ZBED4: variants seen among roughly 807,000 people sequenced by gnomAD.
The protein encoded by ZBED4 is zinc finger BED-type containing 4.
Under a neutral mutation model 15.5 loss-of-function variants are expected in ZBED4, and 4 were observed. That is an observed-to-expected ratio of 0.26 (90% CI 0.13 to 0.59). The LOEUF (loss-of-function observed/expected upper bound fraction) is 0.59, where lower values mean the gene tolerates loss of function less well. ZBED4 is among the 20% of genes least tolerant of loss of function. ZBED4 has a pLI of 0.90. For synonymous variants in ZBED4, 692 were observed against 608.5 expected (o/e 1.14, Z -2.02); for missense variants, 1,323 against 1,461.8 (o/e 0.91, Z 1.55).
Position 49,888,925 on chromosome 22 carries a change from C to T in ZBED4, c.*1747C>T, listed in dbSNP as rs549271177. 1.4e-4 allele frequency: 24 copies of T among 167,396 alleles called. No homozygotes were observed. In the South Asian group the frequency reaches 1.5e-3, roughly 10 times the overall value. The allele number at this position is 167,396 out of a possible 1,614,324, so 10.4% of individuals were successfully genotyped here. A position where few individuals can be genotyped will look rare whatever the true frequency, so the allele number is the denominator to read the frequency against. ...GGTTGCGCACAGGATAGGAGGGAGCCACAGTTCTTGCTTAGCTGTGCTCAC... is the reference window on the plus strand; with the variant it reads ...GGTTGCGCACAGGATAGGAGGGAGCTACAGTTCTTGCTTAGCTGTGCTCAC... On this transcript the variant is annotated 3_prime_UTR_variant, in exon 2 of 2. Transcript: ENST00000216268.
rs116057141 is a variant in ZBED4, at chr22:49,854,813, G to A, written c.-330+824G>A. Among the ~76,000 whole-genome samples, 1,044 of 152,316 alleles carry A rather than the reference G, an allele frequency of 6.9e-3. 10 individuals carry two copies. Among genetic ancestry groups the A allele is most frequent in the African/African-American group, 0.023 (958 of 41,564 alleles). Reference sequence around the variant, plus strand: ...TGTTCTCGTGTTGGTCGAAAGGGAAGTTATTTATTTTGAAGTTAACTCTGA... The same window carrying A: ...TGTTCTCGTGTTGGTCGAAAGGGAAATTATTTATTTTGAAGTTAACTCTGA... On this transcript the variant is annotated intron_variant, in intron 1 of 1. Transcript: ENST00000216268.
At position 49,886,530 on chromosome 22, in the gene ZBED4, G is replaced by A. The variant is rs1430027005; in HGVS notation, c.2868G>A (p.Gln956=). 1 of 1,568,602 alleles carries A rather than the reference G, an allele frequency of 6.4e-7. No individual in the cohort carries two copies. Residue 956 remains glutamine, a synonymous_variant, in exon 2 of 2, where the codon CAG becomes CAA. Transcript: ENST00000216268. This position sits in a 1 kb window ranked among gnomAD's most constrained non-coding sequence, Gnocchi z 7.7. The stretch of plus-strand genomic sequence containing the variant: ...GCACGCAGATGTCCACCCTCAGCCA[G>A]GTCATCCCCATGGTACACATCCTCA... ...EMSTQMSTLS[Q]VIPMVHILNR...
At chr22:49,869,465 C>A (rs1389557555) in intron 1 of ZBED4, among the ~76,000 whole-genome samples, 1 of 152,182 alleles carries the variant, frequency 6.6e-6, no homozygotes, top group Non-Finnish European at 1.5e-5. Flanking sequence ...CTTAGAGACA[C>A]GTTCTGTGTT....
At position 49,887,097 on chromosome 22, in the gene ZBED4, C is replaced by T. The variant is rs1280642576; in HGVS notation, c.3435C>T (p.Gly1145=). The change falls in exon 2 of 2, where the codon GGC becomes GGT. Residue 1145 remains glycine (G), a synonymous_variant. Transcript: ENST00000216268. The part of the protein sequence containing the change: ...FNTPTENGSL[G]QSRLMMEHFE... Reference sequence around the variant, plus strand: ...CACCCACTGAGAACGGTAGCCTTGGCCAATCCAGGCTCATGATGGAACATT... The same window carrying T: ...CACCCACTGAGAACGGTAGCCTTGGTCAATCCAGGCTCATGATGGAACATT... 6.2e-7 allele frequency: 1 copy of T among 1,614,134 alleles called. No individual in the cohort carries two copies. The highest frequency in any genetic ancestry group is 2.2e-5 in the East Asian group (1 of 44,882).
chr22:49,886,560 G>A lies in ZBED4; in HGVS notation c.2898G>A (p.Arg966=), dbSNP rs1380066229. ...TCCCCATGGTACACATCCTCAACAGGAAGGTGGAGATGCTCTTCGAGGAGA... is the reference window on the plus strand; with the variant it reads ...TCCCCATGGTACACATCCTCAACAGAAAGGTGGAGATGCTCTTCGAGGAGA... The part of the protein sequence containing the change: ...QVIPMVHILN[R]KVEMLFEETM... The change falls in exon 2 of 2, where the codon AGG becomes AGA. Residue 966 remains arginine, a synonymous_variant. Transcript: ENST00000216268. This position sits in a 1 kb window ranked among gnomAD's most constrained non-coding sequence, Gnocchi z 7.7. 1.9e-6 allele frequency: 3 copies of A among 1,558,466 alleles called. No individual in the cohort carries two copies. Among genetic ancestry groups the A allele is most frequent in the Middle Eastern group, 1.7e-4 (1 of 5,810 alleles).
At chr22:49,871,757 A>ATTTTTTT in intron 1 of ZBED4, among the ~76,000 whole-genome samples, 1 of 62,174 alleles carries the variant, frequency 1.6e-5, no homozygotes, top group South Asian at 5.1e-4. Context: ...TTATTTATTT[A>ATTTTTTT]TTTTTTTTTT....
chr22:49,884,643 C>T lies in ZBED4; in HGVS notation c.981C>T (p.Leu327=), dbSNP rs1429267602. The T allele has an allele frequency of 1.2e-6, 2 of 1,612,532 alleles. No individual in the cohort carries two copies. Among genetic ancestry groups the T allele is most frequent in the African/African-American group, 1.3e-5 (1 of 74,956 alleles). Residue 327 remains leucine (L), a synonymous_variant, in exon 2 of 2, where the codon CTC becomes CTT. Coordinates refer to ENST00000216268, the MANE Select transcript of ZBED4 (RefSeq NM_014838.3). ...KNGKDLGTSC[L]IRHMWRAHRA... Reference sequence around the variant, plus strand: ...GGAAGGACCTGGGCACGAGCTGCCTCATCAGGCACATGTGGAGGGCACACC... The same window carrying T: ...GGAAGGACCTGGGCACGAGCTGCCTTATCAGGCACATGTGGAGGGCACACC...
chr22:49,858,791 C>G (rs2060285427), intron 1 of ZBED4, among the ~76,000 whole-genome samples: 1 of 152,190 alleles, frequency 6.6e-6, no homozygotes, highest in African/African-American at 2.4e-5. Flanking sequence ...AACGTCTTTA[C>G]TAGCTGTTTT....
chr22:49,886,968 C>T lies in ZBED4; in HGVS notation c.3306C>T (p.Thr1102=). Residue 1102 remains threonine, a synonymous_variant, in exon 2 of 2, where the codon ACC becomes ACT. Coordinates refer to ENST00000216268, the MANE Select transcript of ZBED4 (RefSeq NM_014838.3). The surrounding 1 kb of genome is among the most constrained non-coding windows in gnomAD (Gnocchi z 7.7). ...TTGAACACAGCTGTGACCCGCTCAC[C>T]TACTGGAACCTGAAGAAGGCGTCCT... ...EVLEHSCDPL[T]YWNLKKASWP... The T allele has an allele frequency of 6.2e-7, 1 of 1,614,104 alleles. No homozygotes were observed. Among genetic ancestry groups the T allele is most frequent in the South Asian group, 1.1e-5 (1 of 91,068 alleles).
At chr22:49,866,759 G>C (rs1229190608) in intron 1 of ZBED4, among the ~76,000 whole-genome samples, 1 of 152,076 alleles carries the variant, frequency 6.6e-6, no homozygotes, top group Non-Finnish European at 1.5e-5. Flanking sequence ...TATTATATTA[G>C]TTTTCTAGTG....
chr22:49,885,729 A>C lies in ZBED4; in HGVS notation c.2067A>C (p.Lys689Asn), dbSNP rs1601804997. The change falls in exon 2 of 2, where the codon AAA becomes AAC. Residue 689 changes from lysine to asparagine, a missense_variant. Lys to Asn is a moderately conservative substitution (Grantham distance 94). Around this residue, in one of 6 missense-constraint regions of ZBED4, gnomAD observed 89 missense variants for 129.8 expected, o/e 0.69. Coordinates refer to ENST00000216268, the MANE Select transcript of ZBED4 (RefSeq NM_014838.3). Reference protein sequence around the residue: ...VGFNRLLEYLKPQYSLPAPSY... With the variant: ...VGFNRLLEYLNPQYSLPAPSY... ...TTAACAGGCTGCTTGAATACTTGAA[A>C]CCTCAGTACTCCCTCCCCGCCCCTT... The C allele has an allele frequency of 6.2e-7, 1 of 1,604,212 alleles. No individual in the cohort carries two copies. The highest frequency in any genetic ancestry group is 8.5e-7 in the Non-Finnish European group (1 of 1,172,894).
In ZBED4 at chr22:49,883,642, C is replaced by T. The variant is rs764908631; in HGVS notation, c.-21C>T. 7.2e-6 allele frequency: 11 copies of T among 1,522,274 alleles called. No homozygotes were observed. In the South Asian group the frequency reaches 9.1e-5, roughly 13 times the overall value. 94.3% of individuals were successfully genotyped at this position (1,522,274 alleles called of 1,614,324 possible). On this transcript the variant is annotated 5_prime_UTR_variant, in exon 2 of 2. Transcript: ENST00000216268. The stretch of plus-strand genomic sequence containing the variant: ...AGTGTTTTATGAACCTAAGATACAG[C>T]CGGAGTAGTTATGGTCAGTCATGGA...
chr22:49,866,022 C>T (rs997841472), intron 1 of ZBED4, among the ~76,000 whole-genome samples: 1 of 152,028 alleles, frequency 6.6e-6, no homozygotes, highest in Non-Finnish European at 1.5e-5. Flanking sequence ...CACTTTTTTC[C>T]TTGAATGTCT....
intron 1 of ZBED4, among the ~76,000 whole-genome samples, chr22:49,862,917 G>T (rs1362502141): frequency 2.0e-5 from 3 of 151,958 alleles, no homozygotes; most frequent in African/African-American, 7.3e-5. Context: ...AGTCAGGCTG[G>T]TCTCGAACTC....
chr22:49,879,981 C>T (rs1461557078), intron 1 of ZBED4, among the ~76,000 whole-genome samples: 3 of 151,102 alleles, frequency 2.0e-5, no homozygotes, highest in Non-Finnish European at 4.4e-5. Flanking sequence ...TGGTTTTCTC[C>T]CGCTTCATCG....
intron 1 of ZBED4, among the ~76,000 whole-genome samples, chr22:49,861,455 A>C (rs2060296950): frequency 6.6e-6 from 1 of 151,974 alleles, no homozygotes; most frequent in African/African-American, 2.4e-5. Context: ...TTGTTTTGAG[A>C]TAGCGTCTGG....
intron 1 of ZBED4, among the ~76,000 whole-genome samples, chr22:49,870,890 C>T (rs1307410251): frequency 2.0e-5 from 3 of 151,800 alleles, no homozygotes; most frequent in South Asian, 2.1e-4. Flanking sequence ...GAAGCAAATA[C>T]CCAAAATCAT....
intron 1 of ZBED4, among the ~76,000 whole-genome samples, chr22:49,869,071 C>T (rs987142748): frequency 1.8e-4 from 27 of 147,388 alleles, no homozygotes; most frequent in African/African-American, 6.6e-4. Context: ...TTGGGTGAGT[C>T]GAGATCATGC....
rs1316045168 is a variant in ZBED4, at chr22:49,887,341, TCTC to T, written c.*166_*168del. ...CAGTGTCTCCACGTGCCTTACCCCT[TCTC>T]CTTCAGGCCAAGTTTCGCGGGGTGT... On this transcript the variant is annotated 3_prime_UTR_variant, in exon 2 of 2. Coordinates refer to ENST00000216268, the MANE Select transcript of ZBED4 (RefSeq NM_014838.3). 2 of 641,692 alleles carry T rather than the reference TCTC, an allele frequency of 3.1e-6. No individual in the cohort carries two copies. Among genetic ancestry groups the T allele is most frequent in the East Asian group, 5.7e-5 (2 of 35,246 alleles). 39.7% of individuals were successfully genotyped at this position (641,692 alleles called of 1,614,324 possible). A position where few individuals can be genotyped will look rare whatever the true frequency, so the allele number is the denominator to read the frequency against.
Sources: gnomAD v4.1 joint callset for allele counts (sites outside exome capture counted in the v4.1 genomes callset) on GRCh38, gnomAD v4.1.1 for gene constraint, gnomAD v4.1.1 regional missense constraint, Gnocchi (gnomAD v3.1) non-coding constraint, MANE v1.5 for transcripts, NCBI Gene and HGNC (gene_info 2026-07-23, HGNC 2026-07-21) for gene names.